COL4A6: variants seen among roughly 807,000 people sequenced by gnomAD.
The protein encoded by COL4A6 is collagen type IV alpha 6 chain, also known as collagen alpha-6(IV) chain.
A neutral mutation model predicts 126.7 loss-of-function variants in COL4A6; 59 were observed. That is an observed-to-expected ratio of 0.47 (90% CI 0.38 to 0.58). COL4A6 has a LOEUF of 0.58. Among genes scored for constraint, COL4A6 ranks in the 20% least tolerant of loss-of-function variants. COL4A6 has a pLI of 0.00. For synonymous variants in COL4A6, 547 were observed against 496.6 expected (o/e 1.10, Z -1.35); for missense variants, 1,285 against 1,337.3 (o/e 0.96, Z 0.61).
intron 2 of COL4A6, among the ~76,000 whole-genome samples, chrX:108,343,982 A>G (rs1335092281): frequency 3.6e-5 from 4 of 111,416 alleles, no homozygotes; most frequent in Non-Finnish European, 7.5e-5. Context: ...GTAGGGATAA[A>G]ATAAAATTGC....
intron 3 of COL4A6, among the ~76,000 whole-genome samples, chrX:108,224,951 G>C (rs988368737): frequency 9.5e-6 from 1 of 105,535 alleles, no homozygotes; most frequent in South Asian, 4.3e-4. Context: ...CAGAGAAAAA[G>C]AAATCAAACC....
intron 2 of COL4A6, among the ~76,000 whole-genome samples, chrX:108,436,092 G>A (rs1352578361): frequency 8.9e-6 from 1 of 111,811 alleles, no homozygotes; most frequent in Non-Finnish European, 1.9e-5. Context: ...CTTTATATTT[G>A]TCATTTTCCC....
chrX:108,377,028 G>T (rs1306242935), intron 2 of COL4A6, among the ~76,000 whole-genome samples: 2 of 112,611 alleles, frequency 1.8e-5, no homozygotes, highest in African/African-American at 6.5e-5. Context: ...CGCGGCCTCT[G>T]AGTTCCCTTA....
At position 108,278,334 on chromosome X, in the gene COL4A6, A is replaced by G. The variant is rs191939286; in HGVS notation, c.144+32414T>C. ...AGATGAAAGCCAAGGCTCAAGAACTACATGAAGAGTGCAGAAGCCTCAGGA... is the reference window on the plus strand; with the variant it reads ...AGATGAAAGCCAAGGCTCAAGAACTGCATGAAGAGTGCAGAAGCCTCAGGA... On this transcript the variant is annotated intron_variant, in intron 3 of 44. Coordinates refer to ENST00000334504, the MANE Select transcript of COL4A6 (RefSeq NM_033641.4). Among the ~76,000 whole-genome samples the G allele has an allele frequency of 8.8e-3, 994 of 112,527 alleles. 7 individuals carry two copies. The highest frequency in any genetic ancestry group is 0.015 in the Non-Finnish European group (777 of 53,255).
Position 108,164,902 on chromosome X carries a change from G to C in COL4A6, c.3945C>G (p.Gly1315=). The C allele has an allele frequency of 1.7e-6, 2 of 1,205,927 alleles. No homozygotes were observed. The highest frequency in any genetic ancestry group is 2.2e-6 in the Non-Finnish European group (2 of 892,421). The change falls in exon 39 of 45, where the codon GGC becomes GGG. Residue 1315 remains glycine, a synonymous_variant. Coordinates refer to ENST00000334504, the MANE Select transcript of COL4A6 (RefSeq NM_033641.4). ...CTTTCAGTCCTAGCTCTCCAGGGAGGCCAGAAAAACCTGGAATTCCTTGGT... is the reference window on the plus strand; with the variant it reads ...CTTTCAGTCCTAGCTCTCCAGGGAGCCCAGAAAAACCTGGAATTCCTTGGT... ...KGDQGIPGFS[G]LPGELGLKGM... is the part of the protein sequence containing the mutation.
chrX:108,337,331 A>G (rs753554484), intron 2 of COL4A6, among the ~76,000 whole-genome samples: 2 of 112,150 alleles, frequency 1.8e-5, no homozygotes, highest in South Asian at 3.7e-4. Flanking sequence ...GTGTTGGTAC[A>G]TAATAGATGC....
intron 2 of COL4A6, among the ~76,000 whole-genome samples, chrX:108,327,695 T>C (rs1347337359): frequency 9.1e-6 from 1 of 109,959 alleles, no homozygotes; most frequent in Non-Finnish European, 1.9e-5. Flanking sequence ...GAGGGAACTT[T>C]TGCAGATAAT....
intron 2 of COL4A6, among the ~76,000 whole-genome samples, chrX:108,336,274 T>C (rs768825716): frequency 9.0e-6 from 1 of 111,598 alleles, no homozygotes; most frequent in Non-Finnish European, 1.9e-5. Flanking sequence ...ATGTGGTATA[T>C]CCATACAATG....
At chrX:108,279,347 T>C (rs1281512775) in intron 3 of COL4A6, among the ~76,000 whole-genome samples, 1 of 110,916 alleles carries the variant, frequency 9.0e-6, no homozygotes, top group Non-Finnish European at 1.9e-5. Context: ...GCAATCCTAG[T>C]CTCTGATAAA....
chrX:108,352,174 C>A (rs2039861824), intron 2 of COL4A6, among the ~76,000 whole-genome samples: 2 of 112,415 alleles, frequency 1.8e-5, no homozygotes, highest in East Asian at 5.6e-4. Flanking sequence ...TGCTTACCTG[C>A]TGTTGCTTCC....
At chrX:108,414,701 A>G (rs1447134222) in intron 2 of COL4A6, among the ~76,000 whole-genome samples, 5 of 110,640 alleles carry the variant, frequency 4.5e-5, no homozygotes, top group Admixed American at 1.9e-4. Context: ...CTGAGGTGGA[A>G]GGATCACTTG....
At chrX:108,314,417 A>G (rs1051285369) in intron 2 of COL4A6, among the ~76,000 whole-genome samples, 2 of 111,440 alleles carry the variant, frequency 1.8e-5, no homozygotes, top group African/African-American at 6.5e-5. Flanking sequence ...CAAGTTCTAT[A>G]TTTTCCATGA....
At chrX:108,375,535 A>T (rs1460106399) in intron 2 of COL4A6, among the ~76,000 whole-genome samples, 2 of 111,086 alleles carry the variant, frequency 1.8e-5, no homozygotes, top group Non-Finnish European at 3.8e-5. Flanking sequence ...AGGTGTCCTT[A>T]TCTATTCCAA....
rs1262925094 is a variant in COL4A6 at position 108,174,630 on chromosome X, G to T, written c.2957-9C>A. On this transcript the variant is annotated splice_polypyrimidine_tract_variant and intron_variant, in intron 30 of 44. Coordinates refer to ENST00000334504, the MANE Select transcript of COL4A6 (RefSeq NM_033641.4). ...AGCCTCTCCTTTGTCACCTGTAAAA[G>T]AAATAAAAAGACTTGGAAAAAGACA... is the stretch of plus-strand genomic sequence containing the variant. The T allele has an allele frequency of 1.7e-5, 19 of 1,140,510 alleles. No individual in the cohort carries two copies. Among genetic ancestry groups the T allele is most frequent in the Admixed American group, 3.0e-5 (1 of 32,796 alleles). The allele number at this position is 1,140,510 out of a possible 1,213,427, so 94.0% of individuals were successfully genotyped here. A position where few individuals can be genotyped will look rare whatever the true frequency, so the allele number is the denominator to read the frequency against.
At chrX:108,377,674 T>C (rs1244495702) in intron 2 of COL4A6, among the ~76,000 whole-genome samples, 1 of 108,379 alleles carries the variant, frequency 9.2e-6, no homozygotes, top group Non-Finnish European at 1.9e-5. Context: ...CTCACGCCTG[T>C]AATCCCAGCA....
Position 108,269,231 on chromosome X carries a change from C to G in COL4A6, c.144+41517G>C. On this transcript the variant is annotated intron_variant, in intron 3 of 44. Coordinates refer to ENST00000334504, the MANE Select transcript of COL4A6 (RefSeq NM_033641.4). ...GGAAGGGACTTTCGGAGCCTGCACT[C>G]ATGAGGACATTTGTCTAGAAGGTTC... The G allele has an allele frequency of 1.2e-5, 4 of 321,504 alleles. 1 individual carries two copies. The highest frequency in any genetic ancestry group is 1.1e-4 in the South Asian group (4 of 35,760). The allele number at this position is 321,504 out of a possible 1,213,427, so 26.5% of individuals were successfully genotyped here.
At chrX:108,209,343 T>C (rs2035634591) in intron 8 of COL4A6, among the ~76,000 whole-genome samples, 2 of 112,061 alleles carry the variant, frequency 1.8e-5, no homozygotes, top group South Asian at 7.6e-4. Context: ...CCTACTAGTT[T>C]TTCCCACCCT....
intron 2 of COL4A6, among the ~76,000 whole-genome samples, chrX:108,430,395 T>C (rs1006469463): frequency 8.9e-6 from 1 of 111,894 alleles, no homozygotes. Flanking sequence ...AGAAAAGCAG[T>C]TGGGTCAGAA....
At chrX:108,233,323 C>T (rs1255582096) in intron 3 of COL4A6, among the ~76,000 whole-genome samples, 2 of 111,628 alleles carry the variant, frequency 1.8e-5, no homozygotes, top group African/African-American at 6.5e-5. Flanking sequence ...ATATGCTATA[C>T]AACCTTTGGT....
Sources: allele counts gnomAD v4.1 joint callset (sites outside exome capture counted in the v4.1 genomes callset), GRCh38; gene constraint gnomAD v4.1.1; transcripts MANE v1.5; gene names NCBI Gene and HGNC (gene_info 2026-07-23, HGNC 2026-07-21).